The following SLC6A12 variants were observed in gnomAD, a reference collection of about 807,000 sequenced individuals.
The protein encoded by SLC6A12 is solute carrier family 6 member 12.
SLC6A12 carries 50 observed loss-of-function variants against 73.3 expected under a neutral mutation model. The observed-to-expected ratio is 0.68, with a 90% CI of 0.54 to 0.86. SLC6A12 has a LOEUF of 0.86. Among genes scored for constraint, SLC6A12 ranks in the 40% least tolerant of loss-of-function variants. The probability of loss-of-function intolerance (pLI) is 0.00; values close to 1 mark genes in which losing one functional copy is unlikely to be tolerated. For synonymous variants in SLC6A12, 304 were observed against 309.2 expected (o/e 0.98, Z 0.18); for missense variants, 648 against 772.8 (o/e 0.84, Z 1.92).
chr12:191,565 ATATC>A (rs1213289205), intron 15 of SLC6A12, among the ~76,000 whole-genome samples: 1 of 148,320 alleles, frequency 6.7e-6, no homozygotes, highest in Admixed American at 6.8e-5. Flanking sequence ...TGATCAATAA[ATATC>A]TATTTTTGTT....
the SLC6A12 span, among the ~76,000 whole-genome samples, chr12:184,346 C>T: frequency 6.6e-6 from 1 of 152,106 alleles, no homozygotes; most frequent in Non-Finnish European, 1.5e-5. Context: ...ATCAGCTGGC[C>T]AGGCATGGTG....
Position 200,676 on chromosome 12 carries a change from C to G in SLC6A12, c.686G>C (p.Trp229Ser). The change falls in exon 7 of 16, where the codon TGG (tryptophan) becomes TCG (serine). Residue 229 changes from tryptophan (W) to serine (S), a missense_variant. Coordinates refer to ENST00000684302, the MANE Select transcript of SLC6A12 (RefSeq NM_001122848.3). The part of the protein sequence containing the change: ...LAWVICYFCI[W>S]KGVKSTGKVV... Reference sequence around the variant, plus strand: ...CTTGCCTGTGGACTTGACCCCCTTCCAGATGCAGAAATAGCAGATGACCCA... The same window carrying G: ...CTTGCCTGTGGACTTGACCCCCTTCGAGATGCAGAAATAGCAGATGACCCA... The G allele has an allele frequency of 6.2e-7, 1 of 1,614,112 alleles. No homozygotes were observed. The highest frequency in any genetic ancestry group is 2.2e-5 in the East Asian group (1 of 44,886).
chr12:184,517 G>A, the SLC6A12 span, among the ~76,000 whole-genome samples: 28 of 152,148 alleles, frequency 1.8e-4, no homozygotes, highest in Non-Finnish European at 3.8e-4. Flanking sequence ...TTGGGAGGCC[G>A]AGGCGGGCGG....
intron 14 of SLC6A12, 78 bp from the exon 15 acceptor site, chr12:192,726 CAG>C (rs1591778124): frequency 7.1e-7 from 1 of 1,416,146 alleles, no homozygotes; most frequent in Non-Finnish European, 9.9e-7. Flanking sequence ...CAGCCAAGGA[CAG>C]AGGACAAGTC....
chr12:197,100 TCCATCCATCC>T lies in SLC6A12; in HGVS notation c.1076-228_1076-219del, dbSNP rs1939912476. On this transcript the variant is annotated intron_variant, in intron 10 of 15. Coordinates refer to ENST00000684302, the MANE Select transcript of SLC6A12 (RefSeq NM_001122848.3). ...ATCCATCCATCCATCCATCCATCCA[TCCATCCATCC>T]ATCCATCCATCCATCCATCCATCCA... is the stretch of plus-strand genomic sequence containing the variant. Among the ~76,000 whole-genome samples, 3 of 52,982 alleles carry T rather than the reference TCCATCCATCC, an allele frequency of 5.7e-5. 1 individual carries two copies. Among genetic ancestry groups the T allele is most frequent in the Non-Finnish European group, 4.1e-5 (1 of 24,400 alleles). 34.8% of individuals were successfully genotyped at this position (52,982 alleles called of 152,430 possible).
intron 11 of SLC6A12, 76 bp from the exon 12 acceptor site, chr12:196,337 C>G: frequency 6.6e-7 from 1 of 1,518,596 alleles, no homozygotes; most frequent in East Asian, 2.3e-5. Flanking sequence ...TCCACTTCCC[C>G]TGGCTCATCC....
chr12:208,259 C>T (rs1324861967), intron 3 of SLC6A12, among the ~76,000 whole-genome samples: 1 of 152,182 alleles, frequency 6.6e-6, no homozygotes, highest in Non-Finnish European at 1.5e-5. Context: ...TCTTGCCTCC[C>T]CTGACTTTCT....
chr12:184,065 T>G, the SLC6A12 span, among the ~76,000 whole-genome samples: 4 of 152,082 alleles, frequency 2.6e-5, no homozygotes, highest in East Asian at 7.7e-4. Flanking sequence ...AAACACAATA[T>G]TAGCAAACTG....
Position 200,743 on chromosome 12 carries a change from C to T in SLC6A12, c.619G>A (p.Gly207Ser). The change falls in exon 7 of 16, where the codon GGC becomes AGC. Residue 207 changes from glycine to serine, a missense_variant. Coordinates refer to ENST00000684302, the MANE Select transcript of SLC6A12 (RefSeq NM_001122848.3). Reference sequence around the variant, plus strand: ...AGGGCCAGCTCCCAGCGCAGGGAGCCCAGGTCATGGATGCCCGAGGTGATG... The same window carrying T: ...AGGGCCAGCTCCCAGCGCAGGGAGCTCAGGTCATGGATGCCCGAGGTGATG... ...LGITSGIHDL[G>S]SLRWELALCL... 1 of 1,614,024 alleles carries T rather than the reference C, an allele frequency of 6.2e-7. No homozygotes were observed. The highest frequency in any genetic ancestry group is 8.5e-7 in the Non-Finnish European group (1 of 1,179,944).
chr12:196,356 G>A, intron 11 of SLC6A12, 95 bp from the exon 12 acceptor site: 1 of 1,426,000 alleles, frequency 7.0e-7, no homozygotes, highest in South Asian at 1.3e-5. Flanking sequence ...CCACACTGAT[G>A]CACAGGGGTG....
chr12:203,059 CTTTTTTTTTTTTTTTTTTT>C (rs10582500), intron 4 of SLC6A12, among the ~76,000 whole-genome samples, 179 bp from the exon 5 acceptor site: 1 of 68,340 alleles, frequency 1.5e-5, no homozygotes, highest in African/African-American at 6.3e-5. Context: ...TTTTTCTTTT[CTTTTTTTTTTTTTTTTTTT>C]TTTTTTGAGA....
At chr12:186,352 G>A (rs1939427968), downstream of SLC6A12, among the ~76,000 whole-genome samples, 1 of 152,198 alleles carries the variant, frequency 6.6e-6, no homozygotes, top group African/African-American at 2.4e-5. Context: ...GCCAGGTGAA[G>A]GAACTGCAAG....
In SLC6A12 at chr12:191,085, T is replaced by C; in HGVS notation, c.1828A>G (p.Lys610Glu). The change falls in exon 16 of 16, where the codon AAG becomes GAG. Residue 610 changes from lysine to glutamate, a missense_variant. Coordinates refer to ENST00000684302, the MANE Select transcript of SLC6A12 (RefSeq NM_001122848.3). ...GCCACACCCTACAAATGGGTCTCCT[T>C]CTCCCCGGCTATCAGTCCTTCCCTT... is the stretch of plus-strand genomic sequence containing the variant. ...PTREGLIAGE[K>E]ETHL The C allele has an allele frequency of 1.5e-6, 2 of 1,332,154 alleles. No individual in the cohort carries two copies. Among genetic ancestry groups the C allele is most frequent in the South Asian group, 5.5e-5 (2 of 36,224 alleles). 82.5% of individuals were successfully genotyped at this position (1,332,154 alleles called of 1,614,324 possible).
At chr12:202,681 C>T (rs531849942) in intron 5 of SLC6A12, 59 bp downstream of exon 5, 87 of 1,557,186 alleles carry the variant, frequency 5.6e-5, no homozygotes, top group Non-Finnish European at 7.3e-5. Flanking sequence ...CTTGGATTCA[C>T]CAGCCACCGC....
At position 192,489 on chromosome 12, in the gene SLC6A12, G is replaced by T. The variant is rs760411201; in HGVS notation, c.1690C>A (p.Pro564Thr). ...CCTACACCACCTACCTTCCTGAAAG[G>T]ACCCCGAGTCTTCAGGAGGGTGATG... ...VVITLLKTRG[P>T]FRKRLRQLIT... The change falls in exon 15 of 16, where the codon CCT (proline) becomes ACT (threonine). Residue 564 changes from proline (P) to threonine (T), a missense_variant. Physicochemically the swap from Pro to Thr is conservative, Grantham distance 38. Transcript: ENST00000684302. 11 of 1,613,782 alleles carry T rather than the reference G, an allele frequency of 6.8e-6. No homozygotes were observed. The African/African-American group carries it at 9.4e-5, about 14-fold the overall frequency.
chr12:200,319 A>G (rs931799460), intron 7 of SLC6A12, among the ~76,000 whole-genome samples: 18 of 151,938 alleles, frequency 1.2e-4, no homozygotes, highest in South Asian at 2.1e-4. Flanking sequence ...CGTGTTAGCC[A>G]GGATGGTCTC....
At chr12:201,617 T>C (rs894024384) in intron 6 of SLC6A12, 145 bp downstream of exon 6, 4 of 663,718 alleles carry the variant, frequency 6.0e-6, no homozygotes, top group African/African-American at 5.4e-5. Flanking sequence ...CCTGCCTCAG[T>C]GATGTGTGGG....
downstream of SLC6A12, among the ~76,000 whole-genome samples, chr12:187,080 CTG>C (rs1455928512): frequency 6.6e-6 from 1 of 152,222 alleles, no homozygotes; most frequent in African/African-American, 2.4e-5. Context: ...AGTGGGAAGA[CTG>C]TGGCAAACTC....
At chr12:184,101 A>G in the SLC6A12 span, among the ~76,000 whole-genome samples, 11,924 of 152,248 alleles carry the variant, frequency 0.078, 1,047 homozygotes, top group African/African-American at 0.22. Flanking sequence ...AACAAAAAAA[A>G]ATATGCCATA....
Sources: allele counts gnomAD v4.1 joint callset (sites outside exome capture counted in the v4.1 genomes callset), GRCh38; gene constraint gnomAD v4.1.1; transcripts MANE v1.5; gene names NCBI Gene and HGNC (gene_info 2026-07-23, HGNC 2026-07-21).